AHCTF1: variants seen among roughly 807,000 people sequenced by gnomAD.
The protein encoded by AHCTF1 is AT-hook containing transcription factor 1, also known as protein ELYS.
Under a neutral mutation model 248.4 loss-of-function variants are expected in AHCTF1, and 24 were observed. The ratio of observed to expected loss-of-function variants is 0.10; its 90% CI spans 0.07 to 0.14. The LOEUF is 0.14. Among genes scored for constraint, AHCTF1 ranks in the 10% least tolerant of loss-of-function variants. AHCTF1 has a pLI of 1.00. For synonymous variants in AHCTF1, 786 were observed against 929.8 expected (o/e 0.85, Z 2.81); for missense variants, 2,206 against 2,636.2 (o/e 0.84, Z 3.57).
At position 246,891,089 on chromosome 1, in the gene AHCTF1, T is replaced by C. The variant is rs780820447; in HGVS notation, c.1946-29A>G. ...TAAAGAAGAGTTAACATCAGTTGTT[T>C]ACTTACAAAAAAATCAAGATGCTCC... On this transcript the variant is annotated intron_variant, in intron 15 of 35. Coordinates refer to ENST00000648844, the MANE Select transcript of AHCTF1 (RefSeq NM_001323342.2). 5.6e-6 allele frequency: 8 copies of C among 1,436,530 alleles called. No individual in the cohort carries two copies. The Admixed American group carries it at 1.1e-4, about 19-fold the overall frequency. 89.0% of individuals were successfully genotyped at this position (1,436,530 alleles called of 1,614,324 possible).
intron 14 of AHCTF1, among the ~76,000 whole-genome samples, chr1:246,894,049 C>T (rs1475869225): frequency 6.6e-6 from 1 of 151,854 alleles, no homozygotes; most frequent in East Asian, 1.9e-4. Flanking sequence ...ACAAAAAATA[C>T]AACAATTAGC....
rs866621168 is a variant in AHCTF1 at position 246,868,428 on chromosome 1, T to C, written c.3089-617A>G. Among the ~76,000 whole-genome samples, 7 of 148,358 alleles carry C rather than the reference T, an allele frequency of 4.7e-5. No individual in the cohort carries two copies. The South Asian group carries it at 1.2e-3, about 26-fold the overall frequency. ...GAGCCACTGCGCCTGGCAATTTTTG[T>C]ATTTTTAGTAGAGACAGGGTTTCAC... On this transcript the variant is annotated intron_variant, in intron 24 of 35. Transcript: ENST00000648844.
chr1:246,876,889 A>C, intron 23 of AHCTF1, 61 bp downstream of exon 23: 1 of 1,581,632 alleles, frequency 6.3e-7, no homozygotes, highest in Non-Finnish European at 8.6e-7. Context: ...TATAACAACC[A>C]AAAAAGCCTC....
At chr1:246,890,561 G>T (rs889443885) in intron 16 of AHCTF1, among the ~76,000 whole-genome samples, 6 of 151,826 alleles carry the variant, frequency 4.0e-5, no homozygotes, top group Admixed American at 2.6e-4. Flanking sequence ...AGATAAAAGG[G>T]GGTATTTAAT....
At chr1:246,859,750 A>C (rs543810135) in intron 29 of AHCTF1, among the ~76,000 whole-genome samples, 1 of 151,648 alleles carries the variant, frequency 6.6e-6, no homozygotes, top group African/African-American at 2.4e-5. Flanking sequence ...TAATTTTTTT[A>C]TATTTTTTGT....
At chr1:246,842,916 C>T (rs371877843) in intron 34 of AHCTF1, 140 bp from the exon 35 acceptor site, 2 of 667,552 alleles carry the variant, frequency 3.0e-6, no homozygotes, top group Non-Finnish European at 5.2e-6. Context: ...TTTTCTCATA[C>T]CTTTTAGTAG....
chr1:246,891,086 G>A (rs1446350441), intron 15 of AHCTF1, 26 bp from the exon 16 acceptor site: 5 of 1,448,984 alleles, frequency 3.5e-6, no homozygotes, highest in East Asian at 2.5e-5. Context: ...AACATCAGTT[G>A]TTTACTTACA....
At chr1:246,888,677 G>A (rs1443644799) in intron 17 of AHCTF1, among the ~76,000 whole-genome samples, 160 bp from the exon 18 acceptor site, 1 of 152,178 alleles carries the variant, frequency 6.6e-6, no homozygotes, top group Non-Finnish European at 1.5e-5. Flanking sequence ...GGGAGGCCAA[G>A]GCAGGAGGAT....
chr1:246,927,012 A>G (rs1572481309), intron 1 of AHCTF1, among the ~76,000 whole-genome samples: 2 of 151,404 alleles, frequency 1.3e-5, no homozygotes, highest in Non-Finnish European at 2.9e-5. Flanking sequence ...GTCTCTACTA[A>G]AAATACAGAA....
In AHCTF1 at chr1:246,851,060, T is replaced by C. The variant is rs375099156; in HGVS notation, c.4946A>G (p.Gln1649Arg). 16 of 1,613,852 alleles carry C rather than the reference T, an allele frequency of 9.9e-6. No individual in the cohort carries two copies. The highest frequency in any genetic ancestry group is 1.4e-5 in the Non-Finnish European group (16 of 1,179,872). The change falls in exon 33 of 36, where the codon CAA becomes CGA. Residue 1649 changes from glutamine to arginine, a missense_variant. Gln to Arg is a conservative substitution (Grantham distance 43). Around this residue, in one of 6 missense-constraint regions of AHCTF1, gnomAD observed 955 missense variants for 1,055.6 expected, o/e 0.90. Transcript: ENST00000648844. ...TAAAGTGTCTACTTTTTGGGACTTT[T>C]GGTCACTAGTTACGGCAGATGGCAA... is the stretch of plus-strand genomic sequence containing the variant. ...ANLPSAVTSD[Q>R]KSQKVDTLPY...
chr1:246,839,694 T>C lies in AHCTF1; in HGVS notation c.*1112A>G, dbSNP rs1659709568. 1 of 338,670 alleles carries C rather than the reference T, an allele frequency of 3.0e-6. No individual in the cohort carries two copies. Among genetic ancestry groups the C allele is most frequent in the East Asian group, 1.7e-4 (1 of 6,036 alleles). 21.0% of individuals were successfully genotyped at this position (338,670 alleles called of 1,614,324 possible). Reference sequence around the variant, plus strand: ...ATTAAAAGCCCACGAAAGCAGTTCGTTTCTAGATAATCAATTATTAATAGT... The same window carrying C: ...ATTAAAAGCCCACGAAAGCAGTTCGCTTCTAGATAATCAATTATTAATAGT... On this transcript the variant is annotated 3_prime_UTR_variant, in exon 36 of 36. Transcript: ENST00000648844.
intron 13 of AHCTF1, among the ~76,000 whole-genome samples, chr1:246,895,420 T>C (rs1488828173): frequency 6.6e-6 from 1 of 152,226 alleles, no homozygotes; most frequent in Non-Finnish European, 1.5e-5. Context: ...GGTGTGTGTG[T>C]GTATGTGTGT....
At chr1:246,904,560 G>T (rs12691532) in intron 6 of AHCTF1, among the ~76,000 whole-genome samples, 11 of 152,032 alleles carry the variant, frequency 7.2e-5, no homozygotes, top group East Asian at 1.9e-4. Flanking sequence ...AAGGACAATG[G>T]GGAGTATGGG....
At chr1:246,930,031 A>G (rs976704511) in intron 1 of AHCTF1, among the ~76,000 whole-genome samples, 78 of 149,930 alleles carry the variant, frequency 5.2e-4, no homozygotes, top group African/African-American at 1.5e-3. Context: ...CAGCCTGGGC[A>G]ACAGAGCAAG....
intron 24 of AHCTF1, among the ~76,000 whole-genome samples, chr1:246,868,715 A>G (rs944077934): frequency 6.6e-6 from 1 of 152,068 alleles, no homozygotes; most frequent in Non-Finnish European, 1.5e-5. Flanking sequence ...TAGTAAATAA[A>G]CAGTCAAATC....
At chr1:246,873,610 A>G (rs1662749827) in intron 24 of AHCTF1, among the ~76,000 whole-genome samples, 1 of 152,222 alleles carries the variant, frequency 6.6e-6, no homozygotes, top group Admixed American at 6.5e-5. Flanking sequence ...GCAAAGGGAA[A>G]GAATCTGTCC....
intron 33 of AHCTF1, among the ~76,000 whole-genome samples, chr1:246,846,915 A>G (rs1331061282): frequency 1.3e-5 from 2 of 151,906 alleles, no homozygotes. Context: ...CACATGCCCA[A>G]ATCATTAAAA....
chr1:246,867,202 A>G (rs760765068), intron 26 of AHCTF1, 42 bp downstream of exon 26: 2 of 1,057,150 alleles, frequency 1.9e-6, no homozygotes, highest in Non-Finnish European at 2.8e-6. Flanking sequence ...TGTAACTATC[A>G]TCTAACATTG....
At chr1:246,881,411 G>A (rs1242103858) in intron 21 of AHCTF1, among the ~76,000 whole-genome samples, 1 of 152,158 alleles carries the variant, frequency 6.6e-6, no homozygotes, top group Non-Finnish European at 1.5e-5. Flanking sequence ...GACACAGAAA[G>A]ATTAAAACCA....
Sources: gnomAD v4.1 joint callset for allele counts (sites outside exome capture counted in the v4.1 genomes callset) on GRCh38, gnomAD v4.1.1 for gene constraint, gnomAD v4.1.1 regional missense constraint, MANE v1.5 for transcripts, NCBI Gene and HGNC (gene_info 2026-07-23, HGNC 2026-07-21) for gene names.